The following NTM variants were observed in gnomAD, a reference collection of about 807,000 sequenced individuals.
The protein encoded by NTM is neurotrimin, also known as IgLON family member 2.
NTM carries 13 observed loss-of-function variants against 42.1 expected under a neutral mutation model. The observed-to-expected ratio is 0.31, with a 90% CI of 0.20 to 0.49. The LOEUF is 0.49. Ranked by LOEUF, NTM falls within the 20% of genes least tolerant of loss-of-function variation. The pLI is 0.99. For missense variants in NTM, 373 were observed against 452.8 expected, an observed-to-expected ratio of 0.82 and a Z score of 1.60; for synonymous variants, 187 against 179.2, an observed-to-expected ratio of 1.04 and a Z score of -0.35.
At chr11:131,396,038 T>C (rs543727691) in intron 1 of NTM, among the ~76,000 whole-genome samples, 2 of 152,302 alleles carry the variant, frequency 1.3e-5, no homozygotes, top group Middle Eastern at 6.8e-3. Context: ...GAAAGGGTTC[T>C]GGAGGTGAGC....
intron 3 of NTM, among the ~76,000 whole-genome samples, chr11:132,158,202 C>T (rs2073604051): frequency 6.6e-6 from 1 of 152,220 alleles, no homozygotes; most frequent in Non-Finnish European, 1.5e-5. Flanking sequence ...CCTCCACACA[C>T]ACTCCCTTTT....
intron 2 of NTM, among the ~76,000 whole-genome samples, chr11:131,923,792 T>C (rs1212197506): frequency 6.6e-6 from 1 of 152,228 alleles, no homozygotes; most frequent in Non-Finnish European, 1.5e-5. Flanking sequence ...AAGAGAATTG[T>C]ACCTTAGCGC....
chr11:131,598,887 C>T (rs1179836323), intron 1 of NTM, among the ~76,000 whole-genome samples: 480 of 39,684 alleles, frequency 0.012, 53 homozygotes, highest in African/African-American at 0.026. Context: ...TTCCTTCCTT[C>T]CTTCCTTCCT....
intron 7 of NTM, among the ~76,000 whole-genome samples, chr11:132,322,030 G>A (rs1483959135): frequency 5.9e-5 from 9 of 151,804 alleles, no homozygotes; most frequent in Non-Finnish European, 1.0e-4. Context: ...TGAAGGAAGT[G>A]CTAAACATGG....
At chr11:131,580,748 A>G (rs1425317783) in intron 1 of NTM, among the ~76,000 whole-genome samples, 2 of 152,194 alleles carry the variant, frequency 1.3e-5, no homozygotes, top group Non-Finnish European at 2.9e-5. Context: ...GTAAGTTAGC[A>G]TTTCTTCGTA....
At chr11:131,982,755 A>G (rs1846421950) in intron 2 of NTM, among the ~76,000 whole-genome samples, 2 of 152,356 alleles carry the variant, frequency 1.3e-5, no homozygotes, top group Non-Finnish European at 2.9e-5. Context: ...CACTGGCTTT[A>G]AAATCTAGGA....
At chr11:132,329,175 G>A (rs543428720) in intron 7 of NTM, among the ~76,000 whole-genome samples, 3 of 152,296 alleles carry the variant, frequency 2.0e-5, no homozygotes, top group South Asian at 2.1e-4. Context: ...CTTTCTGTAT[G>A]CGAGGACCTT....
chr11:131,394,654 A>G (rs1032720279), intron 1 of NTM, among the ~76,000 whole-genome samples: 1 of 152,132 alleles, frequency 6.6e-6, no homozygotes, highest in Non-Finnish European at 1.5e-5. Context: ...TCACTTCAGG[A>G]CCAACGAAGG....
At chr11:131,929,183 C>A (rs768178443) in intron 2 of NTM, among the ~76,000 whole-genome samples, 3 of 152,216 alleles carry the variant, frequency 2.0e-5, no homozygotes, top group African/African-American at 4.8e-5. Flanking sequence ...GTTTAGACTC[C>A]CTGGTTAGGG....
chr11:131,911,243 C>T, intron 1 of NTM: 1 of 1,414,936 alleles, frequency 7.1e-7, no homozygotes, highest in Non-Finnish European at 9.2e-7. Flanking sequence ...AGGGAGCCCC[C>T]TTTGGCCGTC....
intron 3 of NTM, among the ~76,000 whole-genome samples, chr11:132,161,946 C>T (rs1222369051): frequency 2.0e-5 from 3 of 152,160 alleles, no homozygotes; most frequent in Non-Finnish European, 2.9e-5. Flanking sequence ...CAGTTTCACT[C>T]GTAATAGATC....
intron 1 of NTM, chr11:131,795,265 T>C (rs747437458): frequency 6.3e-4 from 306 of 487,114 alleles, no homozygotes; most frequent in Non-Finnish European, 7.6e-4. Flanking sequence ...AGGATAATCA[T>C]TTCTTCCTTA....
At chr11:131,870,293 G>A (rs750296717) in intron 1 of NTM, among the ~76,000 whole-genome samples, 1 of 152,210 alleles carries the variant, frequency 6.6e-6, no homozygotes, top group Non-Finnish European at 1.5e-5. Context: ...TTAATTTTCA[G>A]AGCAGTGGTT....
intron 3 of NTM, among the ~76,000 whole-genome samples, chr11:132,193,998 C>A (rs574430206): frequency 6.6e-6 from 1 of 152,044 alleles, no homozygotes; most frequent in East Asian, 1.9e-4. Context: ...AAACAAAGAC[C>A]AGGACCAGAT....
intron 2 of NTM, among the ~76,000 whole-genome samples, chr11:132,120,245 G>A (rs80227605): frequency 1.3e-5 from 2 of 152,114 alleles, no homozygotes; most frequent in South Asian, 2.1e-4. Flanking sequence ...AAATGTAGAC[G>A]TTGTATTGCT....
At chr11:132,281,666 A>G (rs2093975248) in intron 4 of NTM, among the ~76,000 whole-genome samples, 1 of 152,216 alleles carries the variant, frequency 6.6e-6, no homozygotes, top group Non-Finnish European at 1.5e-5. Context: ...CAATATGTGC[A>G]GCCCAAAGCA....
chr11:132,111,491 G>C (rs1171165649), intron 2 of NTM, among the ~76,000 whole-genome samples: 3 of 152,182 alleles, frequency 2.0e-5, no homozygotes, highest in Admixed American at 1.3e-4. Flanking sequence ...ATGCAACACA[G>C]AGGTTTGGAC....
chr11:132,313,485 G>A (rs528725818), intron 6 of NTM, among the ~76,000 whole-genome samples: 21 of 151,986 alleles, frequency 1.4e-4, no homozygotes, highest in Admixed American at 1.1e-3. Flanking sequence ...TGCCCCAAGA[G>A]TATTCATCTT....
At chr11:131,967,747 G>T (rs1017162601) in intron 2 of NTM, among the ~76,000 whole-genome samples, 2 of 152,148 alleles carry the variant, frequency 1.3e-5, no homozygotes, top group African/African-American at 4.8e-5. Flanking sequence ...GCTTGATAAT[G>T]CTTTGCTTCC....
Sources: allele counts gnomAD v4.1 joint callset (sites outside exome capture counted in the v4.1 genomes callset), GRCh38; gene constraint gnomAD v4.1.1; transcripts MANE v1.5; gene names NCBI Gene and HGNC (gene_info 2026-07-23, HGNC 2026-07-21).